The following EPHA2 variants were observed in gnomAD, a reference collection of about 807,000 sequenced individuals.
EPHA2 encodes the protein ephrin type-A receptor 2.
EPHA2 carries 54 observed loss-of-function variants against 104.9 expected under a neutral mutation model. The ratio of observed to expected loss-of-function variants is 0.51; its 90% CI spans 0.41 to 0.65. EPHA2 has a LOEUF of 0.65. EPHA2 is among the 30% of genes least tolerant of loss of function. EPHA2 has a pLI of 0.00. For synonymous variants in EPHA2, 560 were observed against 559.1 expected (o/e 1.00, Z -0.02); for missense variants, 1,117 against 1,369.5 (o/e 0.82, Z 2.91).
rs748903065 is a variant in EPHA2, at chr1:16,124,459, C to T, written c.*756G>A. On this transcript the variant is annotated 3_prime_UTR_variant, in exon 17 of 17. Coordinates refer to ENST00000358432, the MANE Select transcript of EPHA2 (RefSeq NM_004431.5). ...GTCCAACAAAACAAAATCTTTAACA[C>T]TGACAGAATAGAAACTTATCCAAAA... 2 of 152,560 alleles carry T rather than the reference C, an allele frequency of 1.3e-5. No homozygotes were observed. Among genetic ancestry groups the T allele is most frequent in the Non-Finnish European group, 2.9e-5 (2 of 68,040 alleles). The allele number at this position is 152,560 out of a possible 1,614,324, so 9.5% of individuals were successfully genotyped here. A position where few individuals can be genotyped will look rare whatever the true frequency, so the allele number is the denominator to read the frequency against.
At position 16,150,999 on chromosome 1, in the gene EPHA2, G is replaced by A. The variant is rs756033292; in HGVS notation, c.86-36C>T. Reference sequence around the variant, plus strand: ...GAAGGGAGAGGGGGTGAGCCTGGGGGTGTCTTCAGGAGTCAGACCATGGCA... The same window carrying A: ...GAAGGGAGAGGGGGTGAGCCTGGGGATGTCTTCAGGAGTCAGACCATGGCA... On this transcript the variant is annotated intron_variant, in intron 1 of 16. Transcript: ENST00000358432. This position sits in a 1 kb window ranked among gnomAD's most constrained non-coding sequence, Gnocchi z 4.8. 1.2e-6 allele frequency: 2 copies of A among 1,607,474 alleles called. No homozygotes were observed. Among genetic ancestry groups the A allele is most frequent in the South Asian group, 1.1e-5 (1 of 90,906 alleles).
At position 16,138,371 on chromosome 1, in the gene EPHA2, C is replaced by A. The variant is rs2024760463; in HGVS notation, c.883G>T (p.Glu295Ter). 1 of 1,613,772 alleles carries A rather than the reference C, an allele frequency of 6.2e-7. No individual in the cohort carries two copies. Among genetic ancestry groups the A allele is most frequent in the South Asian group, 1.1e-5 (1 of 91,090 alleles). Residue 295 changes from glutamate (E) to a stop codon, truncating the protein, a stop_gained, in exon 4 of 17, where the codon GAG becomes TAG. Coordinates refer to ENST00000358432, the MANE Select transcript of EPHA2 (RefSeq NM_004431.5). LOFTEE classifies it high-confidence loss of function. Reference sequence around the variant, plus strand: ...CCCTCAGGGGATGGCAGCGTGTGCTCAGGGCACTCCAAGCAGGGGCTCTCA... The same window carrying A: ...CCCTCAGGGGATGGCAGCGTGTGCTAAGGGCACTCCAAGCAGGGGCTCTCA... ...ASESPCLECP[E>*]HTLPSPEGAT... is the part of the protein sequence containing the mutation.
chr1:16,129,412 G>A (rs1339600015), intron 16 of EPHA2, 22 bp downstream of exon 16: 2 of 1,609,310 alleles, frequency 1.2e-6, no homozygotes, highest in South Asian at 1.1e-5. Flanking sequence ...GGCGAGGGGG[G>A]ACGGAAAGGG....
rs767422733 is a variant in EPHA2 at position 16,131,832 on chromosome 1, G to T, written c.2364C>A (p.Ala788=). 3.1e-6 allele frequency: 5 copies of T among 1,613,942 alleles called. No individual in the cohort carries two copies. Among genetic ancestry groups the T allele is most frequent in the Middle Eastern group, 3.3e-4 (2 of 6,084 alleles). ...CAGAGGTGAACTTCCGGTAGGAAATGGCCTCCGGGGCGGTCCAGCGGATGG... is the reference window on the plus strand; with the variant it reads ...CAGAGGTGAACTTCCGGTAGGAAATTGCCTCCGGGGCGGTCCAGCGGATGG... ...KIPIRWTAPE[A]ISYRKFTSAS... The change falls in exon 14 of 17, where the codon GCC becomes GCA. Residue 788 remains alanine (A), a synonymous_variant. Coordinates refer to ENST00000358432, the MANE Select transcript of EPHA2 (RefSeq NM_004431.5). This position sits in a 1 kb window ranked among gnomAD's most constrained non-coding sequence, Gnocchi z 5.2.
intron 5 of EPHA2, 110 bp downstream of exon 5, chr1:16,137,743 C>T (rs2024741524): frequency 7.4e-7 from 1 of 1,347,372 alleles, no homozygotes; most frequent in Non-Finnish European, 1.0e-6. Context: ...TGCCTTTAAC[C>T]ACTTGCTCTG....
Position 16,137,918 on chromosome 1 carries a change from T to C in EPHA2, c.1247A>G (p.Asn416Ser). The C allele has an allele frequency of 6.2e-7, 1 of 1,614,070 alleles. No individual in the cohort carries two copies. Among genetic ancestry groups the C allele is most frequent in the Non-Finnish European group, 8.5e-7 (1 of 1,180,024 alleles). Residue 416 changes from asparagine to serine, a missense_variant, in exon 5 of 17, where the codon AAT (asparagine) becomes AGT (serine). Physicochemically the swap from Asn to Ser is conservative, Grantham distance 46. Coordinates refer to ENST00000358432, the MANE Select transcript of EPHA2 (RefSeq NM_004431.5). ...GCTGGTTACCAGGCCTGAGACGCCA[T>C]TGCGGGCCTCCACGGTGAAGGTGTA... Reference protein sequence around the residue: ...MNYTFTVEARNGVSGLVTSRS... With the variant: ...MNYTFTVEARSGVSGLVTSRS...
At chr1:16,140,377 A>G (rs2024800826) in intron 3 of EPHA2, among the ~76,000 whole-genome samples, 1 of 152,230 alleles carries the variant, frequency 6.6e-6, no homozygotes, top group South Asian at 2.1e-4. Context: ...TGCTCTGCAC[A>G]GAGCCTGGAG....
At position 16,155,967 on chromosome 1, in the gene EPHA2, GC is replaced by G; in HGVS notation, c.-36del. The G allele has an allele frequency of 1.4e-6, 2 of 1,468,026 alleles. No homozygotes were observed. 90.9% of individuals were successfully genotyped at this position (1,468,026 alleles called of 1,614,324 possible). A position where few individuals can be genotyped will look rare whatever the true frequency, so the allele number is the denominator to read the frequency against. On this transcript the variant is annotated 5_prime_UTR_variant, in exon 1 of 17. Coordinates refer to ENST00000358432, the MANE Select transcript of EPHA2 (RefSeq NM_004431.5). Reference sequence around the variant, plus strand: ...CTCGCTCTCGGTCCGATCCCCCCGAGCCCGGCTCCCGCACACCCGCACGCCT... The same window carrying G: ...CTCGCTCTCGGTCCGATCCCCCCGAGCCGGCTCCCGCACACCCGCACGCCT...
chr1:16,131,671 AG>A lies in EPHA2; in HGVS notation c.2475+49del, dbSNP rs1557502615. 6.2e-7 allele frequency: 1 copy of A among 1,612,450 alleles called. No individual in the cohort carries two copies. Among genetic ancestry groups the A allele is most frequent in the South Asian group, 1.1e-5 (1 of 91,034 alleles). ...AGCCCCTGCAGTTTGAGATGAGTAA[AG>A]GGCTTGAGTTCAGGTCCGGACAGGC... On this transcript the variant is annotated intron_variant, in intron 14 of 16. Coordinates refer to ENST00000358432, the MANE Select transcript of EPHA2 (RefSeq NM_004431.5). This position sits in a 1 kb window ranked among gnomAD's most constrained non-coding sequence, Gnocchi z 5.2.
chr1:16,142,405 T>C (rs1241974480), intron 3 of EPHA2, among the ~76,000 whole-genome samples: 1 of 152,206 alleles, frequency 6.6e-6, no homozygotes, highest in Non-Finnish European at 1.5e-5. Flanking sequence ...CAGCAGCTCC[T>C]GAGGAGCAGG....
At position 16,130,409 on chromosome 1, in the gene EPHA2, G is replaced by A. The variant is rs139382402; in HGVS notation, c.2486C>T (p.Ala829Val). The A allele has an allele frequency of 1.9e-6, 3 of 1,547,006 alleles. No individual in the cohort carries two copies. The highest frequency in any genetic ancestry group is 2.6e-6 in the Non-Finnish European group (3 of 1,143,956). ...WELSNHEVMK[A>V]INDGFRLPTP... ...GGGGAGCCGGAAGCCATCATTGATG[G>A]CTTTCATCACCTGGCGGGGCACGAA... Residue 829 changes from alanine to valine, a missense_variant, in exon 15 of 17, where the codon GCC becomes GTC. Ala to Val is a moderately conservative substitution (Grantham distance 64). This residue lies in a region of EPHA2 where 340 missense variants were observed against 480.5 expected (regional missense o/e 0.71). Transcript: ENST00000358432. This position sits in a 1 kb window ranked among gnomAD's most constrained non-coding sequence, Gnocchi z 4.5.
chr1:16,132,350 C>A lies in EPHA2; in HGVS notation c.2115+28G>T, dbSNP rs1287125623. 3 of 1,614,034 alleles carry A rather than the reference C, an allele frequency of 1.9e-6. No individual in the cohort carries two copies. In the African/African-American group the frequency reaches 4.0e-5, roughly 22 times the overall value. ...AGCCCCGGGCTCAATGGCCAGGCAT[C>A]CCCGCCCCCTACAACCCACATCCTT... On this transcript the variant is annotated intron_variant, in intron 12 of 16. Coordinates refer to ENST00000358432, the MANE Select transcript of EPHA2 (RefSeq NM_004431.5).
chr1:16,137,710 G>T, intron 5 of EPHA2, 143 bp downstream of exon 5: 3 of 962,574 alleles, frequency 3.1e-6, no homozygotes, highest in Non-Finnish European at 4.7e-6. Context: ...CCCACGGGTT[G>T]GACAAGCTTG....
rs1280413665 is a variant in EPHA2 at position 16,136,704 on chromosome 1, AG to A, written c.1313-935del. Among the ~76,000 whole-genome samples, 823 of 101,008 alleles carry A rather than the reference AG, an allele frequency of 8.1e-3. 3 individuals carry two copies. Among genetic ancestry groups the A allele is most frequent in the Non-Finnish European group, 9.1e-3 (544 of 59,630 alleles). The allele number at this position is 101,008 out of a possible 152,430, so 66.3% of individuals were successfully genotyped here. On this transcript the variant is annotated intron_variant, in intron 5 of 16. Coordinates refer to ENST00000358432, the MANE Select transcript of EPHA2 (RefSeq NM_004431.5). Reference sequence around the variant, plus strand: ...AGAAAGAAGAAGAGGAAGAAGAAGAAGAAGAAGAAAAGAAGAAGAAGAAGAA... The same window carrying A: ...AGAAAGAAGAAGAGGAAGAAGAAGAAAAGAAGAAAAGAAGAAGAAGAAGAA...
At chr1:16,147,822 T>C (rs2024962214) in intron 3 of EPHA2, among the ~76,000 whole-genome samples, 1 of 151,718 alleles carries the variant, frequency 6.6e-6, no homozygotes, top group Non-Finnish European at 1.5e-5. Context: ...CATTCTTGTT[T>C]CAGAGTCATC....
intron 1 of EPHA2, chr1:16,155,265 A>AG (rs2025132107): frequency 6.6e-6 from 1 of 152,234 alleles, no homozygotes; most frequent in Non-Finnish European, 1.5e-5. Context: ...CGGCTTGGGA[A>AG]GGAGGGAAAG....
chr1:16,137,253 G>A (rs752176539), intron 5 of EPHA2, among the ~76,000 whole-genome samples: 5 of 151,526 alleles, frequency 3.3e-5, no homozygotes, highest in Non-Finnish European at 7.4e-5. Context: ...GAATGGTCTT[G>A]GGCCACAAAT....
At chr1:16,129,613 G>A (rs928453968) in intron 15 of EPHA2, 24 bp from the exon 16 acceptor site, 1 of 1,600,064 alleles carries the variant, frequency 6.2e-7, no homozygotes, top group Non-Finnish European at 8.5e-7. Flanking sequence ...CACTGCAGGT[G>A]AGGGGCTGCA....
Position 16,133,915 on chromosome 1 carries a change from C to A in EPHA2, c.1683G>T (p.Arg561Ser), listed in dbSNP as rs2024630894. ...ACTGGCGGGCACGCTGGTTCTTCCT[C>A]CTGAAAGAGCCCCACGGGGAACCAA... is the stretch of plus-strand genomic sequence containing the variant. ...LAGVGFFIHRRRKNQRARQSP... is the reference protein window; with the variant it reads ...LAGVGFFIHRSRKNQRARQSP... The change falls in exon 9 of 17, where the codon AGG becomes AGT. Residue 561 changes from arginine (R) to serine (S), a missense_variant and splice_region_variant. Around this residue, in one of 3 missense-constraint regions of EPHA2, gnomAD observed 113 missense variants for 104.3 expected, o/e 1.08. Transcript: ENST00000358432. 9 of 1,550,750 alleles carry A rather than the reference C, an allele frequency of 5.8e-6. No homozygotes were observed. Among genetic ancestry groups the A allele is most frequent in the Non-Finnish European group, 7.9e-6 (9 of 1,146,490 alleles).
Sources: gnomAD v4.1 joint callset for allele counts (sites outside exome capture counted in the v4.1 genomes callset) on GRCh38, gnomAD v4.1.1 for gene constraint, gnomAD v4.1.1 regional missense constraint, Gnocchi (gnomAD v3.1) non-coding constraint, MANE v1.5 for transcripts, NCBI Gene and HGNC (gene_info 2026-07-23, HGNC 2026-07-21) for gene names.